Variants in RDX observed in about 807,000 individuals in gnomAD.
RDX encodes the protein deafness, autosomal recessive 24.
Under a neutral mutation model 83.7 loss-of-function variants are expected in RDX, and 32 were observed. The observed-to-expected ratio is 0.38, with a 90% CI of 0.29 to 0.51. The LOEUF is 0.51. Among genes scored for constraint, RDX ranks in the 20% least tolerant of loss-of-function variants. The pLI is 0.87. For synonymous variants in RDX, 229 were observed against 222.7 expected (o/e 1.03, Z -0.25); for missense variants, 600 against 689.9 (o/e 0.87, Z 1.46).
chr11:110,225,701 G>A (rs1864409120), downstream of RDX, among the ~76,000 whole-genome samples: 1 of 152,076 alleles, frequency 6.6e-6, no homozygotes, highest in Non-Finnish European at 1.5e-5. Flanking sequence ...ACCGCTATGT[G>A]AATATAAAAT....
intron 5 of RDX, among the ~76,000 whole-genome samples, chr11:110,260,340 G>A (rs1859751422): frequency 6.6e-6 from 1 of 152,138 alleles, no homozygotes. Flanking sequence ...AGATACTTTA[G>A]TTCTCCTCAT....
In RDX at chr11:110,209,138, G is replaced by T. The variant is rs553826133; in HGVS notation, c.1749-9460C>A. Reference sequence around the variant, plus strand: ...ACAGGTCAGTGGATGCGCGCACCGTGCGCGAGCTGAAGCAGGGCGAGGCAT... The same window carrying T: ...ACAGGTCAGTGGATGCGCGCACCGTTCGCGAGCTGAAGCAGGGCGAGGCAT... On this transcript the variant is annotated intron_variant, in intron 14 of 15. Transcript: ENST00000528498. Among the ~76,000 whole-genome samples the T allele has an allele frequency of 3.3e-5, 5 of 152,306 alleles. No homozygotes were observed. The East Asian group carries it at 7.7e-4, about 24-fold the overall frequency.
At chr11:110,279,138 A>G (rs1860645761) in intron 2 of RDX, among the ~76,000 whole-genome samples, 1 of 152,184 alleles carries the variant, frequency 6.6e-6, no homozygotes, top group Admixed American at 6.5e-5. Context: ...CACTAAATAT[A>G]TATCAGATTC....
intron 10 of RDX, among the ~76,000 whole-genome samples, chr11:110,240,648 G>C (rs569812717): frequency 6.6e-6 from 1 of 151,332 alleles, no homozygotes; most frequent in East Asian, 1.9e-4. Flanking sequence ...GGGAGGCTGA[G>C]GCAGGAGAAT....
chr11:110,291,522 A>C (rs1861242155), intron 1 of RDX, among the ~76,000 whole-genome samples: 1 of 152,126 alleles, frequency 6.6e-6, no homozygotes, highest in Admixed American at 6.5e-5. Flanking sequence ...GGGTTTCTGG[A>C]AACAGTTCCT....
intron 10 of RDX, among the ~76,000 whole-genome samples, chr11:110,246,475 T>A (rs1249436966): frequency 2.0e-5 from 3 of 152,144 alleles, no homozygotes; most frequent in African/African-American, 7.2e-5. Flanking sequence ...CAACATGGCA[T>A]TCAAAGAAAA....
At chr11:110,224,126 A>G (rs1241752423) in intron 14 of RDX, among the ~76,000 whole-genome samples, 3 of 152,106 alleles carry the variant, frequency 2.0e-5, no homozygotes, top group Non-Finnish European at 4.4e-5. Flanking sequence ...GTATATTCTG[A>G]GATAATCTCT....
intron 15 of RDX, among the ~76,000 whole-genome samples, chr11:110,179,430 C>T (rs1484287487): frequency 6.6e-6 from 1 of 152,206 alleles, no homozygotes; most frequent in African/African-American, 2.4e-5. Flanking sequence ...TTCCCAGTTC[C>T]ACTTGTGCCC....
At chr11:110,208,927 G>C (rs1863706130) in intron 14 of RDX, among the ~76,000 whole-genome samples, 1 of 152,234 alleles carries the variant, frequency 6.6e-6, no homozygotes, top group African/African-American at 2.4e-5. Context: ...TTACACTCTA[G>C]CCTGGGCAAC....
intron 9 of RDX, among the ~76,000 whole-genome samples, chr11:110,249,181 C>T (rs1337064474): frequency 6.6e-6 from 1 of 152,136 alleles, no homozygotes; most frequent in East Asian, 1.9e-4. Context: ...AATCAATATT[C>T]AAATCACTAC....
intron 14 of RDX, among the ~76,000 whole-genome samples, chr11:110,215,102 T>TGTG (rs1422368927): frequency 6.7e-6 from 1 of 149,610 alleles, no homozygotes; most frequent in African/African-American, 2.4e-5. Flanking sequence ...GGCTTATGCC[T>TGTG]GTGATCCCAG....
At chr11:110,176,056 C>A (rs937298821) in intron 15 of RDX, among the ~76,000 whole-genome samples, 1 of 151,590 alleles carries the variant, frequency 6.6e-6, no homozygotes, top group Non-Finnish European at 1.5e-5. Flanking sequence ...GAGGGCGCAC[C>A]AGCACCAGCC....
chr11:110,285,047 C>A (rs1860926540), intron 1 of RDX, among the ~76,000 whole-genome samples: 1 of 152,072 alleles, frequency 6.6e-6, no homozygotes, highest in African/African-American at 2.4e-5. Flanking sequence ...GCTATTAAAA[C>A]CTATGTTTTT....
At position 110,268,254 on chromosome 11, in the gene RDX, T is replaced by C. The variant is rs748274007; in HGVS notation, c.97-3380A>G. ...CCCGGGAGGCGGAGGTTGCACTGCA[T>C]TGAGCTATCGCACCACTGTACTCCA... On this transcript the variant is annotated intron_variant, in intron 3 of 13. Coordinates refer to ENST00000645495, the MANE Select transcript of RDX (RefSeq NM_002906.4). Among the ~76,000 whole-genome samples, 15 of 150,912 alleles carry C rather than the reference T, an allele frequency of 9.9e-5. No homozygotes were observed. In the East Asian group the frequency reaches 1.4e-3, roughly 14 times the overall value.
chr11:110,295,339 C>G (rs1861403629), intron 1 of RDX, among the ~76,000 whole-genome samples: 1 of 150,370 alleles, frequency 6.7e-6, no homozygotes, highest in Non-Finnish European at 1.5e-5. Context: ...AAGTATGCTC[C>G]TTAAACAATA....
At chr11:110,289,033 T>C (rs1861104973) in intron 1 of RDX, among the ~76,000 whole-genome samples, 1 of 151,816 alleles carries the variant, frequency 6.6e-6, no homozygotes, top group South Asian at 2.1e-4. Context: ...AGGTTGGGAG[T>C]TCGAGACCAG....
chr11:110,258,447 T>TTAC (rs1555042677), intron 5 of RDX, among the ~76,000 whole-genome samples: 2 of 152,210 alleles, frequency 1.3e-5, no homozygotes, highest in Non-Finnish European at 2.9e-5. Flanking sequence ...ACACAAGATG[T>TTAC]TACCATCAGG....
chr11:110,255,582 G>T (rs558123788), intron 7 of RDX, among the ~76,000 whole-genome samples, 197 bp from the exon 8 acceptor site: 10 of 152,026 alleles, frequency 6.6e-5, no homozygotes, highest in African/African-American at 1.9e-4. Flanking sequence ...ACTGTCCAAA[G>T]ATTTCATAAA....
chr11:110,275,645 T>A (rs1860483466), intron 2 of RDX, among the ~76,000 whole-genome samples: 1 of 152,188 alleles, frequency 6.6e-6, no homozygotes, highest in East Asian at 1.9e-4. Context: ...TTGTCAGTTA[T>A]TTCTTACAAA....
Sources: gnomAD v4.1 joint callset for allele counts (sites outside exome capture counted in the v4.1 genomes callset) on GRCh38, gnomAD v4.1.1 for gene constraint, MANE v1.5 for transcripts, NCBI Gene and HGNC (gene_info 2026-07-23, HGNC 2026-07-21) for gene names.